Variants in FAM13A observed in about 807,000 individuals in gnomAD.
FAM13A encodes the protein protein FAM13A.
Under a neutral mutation model 129.6 loss-of-function variants are expected in FAM13A, and 76 were observed. The ratio of observed to expected loss-of-function variants is 0.59; its 90% CI spans 0.49 to 0.71. The LOEUF is 0.71. FAM13A is among the 30% of genes least tolerant of loss of function. FAM13A has a pLI of 0.00. For missense variants in FAM13A, 1,108 were observed against 1,249.3 expected (o/e 0.89, Z 1.70); for synonymous variants, 443 against 449.9 (o/e 0.98, Z 0.20).
intron 3 of FAM13A, among the ~76,000 whole-genome samples, chr4:88,998,708 T>C (rs1763873751): frequency 1.3e-5 from 2 of 152,218 alleles, no homozygotes; most frequent in Admixed American, 6.5e-5. Flanking sequence ...TCTAAATATG[T>C]ATTTACAGAA....
intron 6 of FAM13A, among the ~76,000 whole-genome samples, chr4:88,874,131 A>G (rs1356399925): frequency 2.0e-5 from 3 of 152,166 alleles, no homozygotes; most frequent in Non-Finnish European, 4.4e-5. Flanking sequence ...GTACTGATGG[A>G]ACATATCTCA....
chr4:88,728,705 T>C, intron 23 of FAM13A, 46 bp from the exon 24 acceptor site: 1 of 1,608,058 alleles, frequency 6.2e-7, no homozygotes, highest in Non-Finnish European at 8.5e-7. Context: ...ATTTTCTGTC[T>C]TTGCTAGATA....
intron 8 of FAM13A, 87 bp downstream of exon 8, chr4:88,804,924 A>G (rs1728257325): frequency 6.6e-6 from 5 of 751,996 alleles, no homozygotes; most frequent in East Asian, 2.6e-5. Flanking sequence ...TGTTCTATTG[A>G]AAGAGATTAA....
At chr4:88,878,599 T>C (rs542877108) in intron 6 of FAM13A, among the ~76,000 whole-genome samples, 27 of 152,226 alleles carry the variant, frequency 1.8e-4, no homozygotes, top group Non-Finnish European at 3.7e-4. Context: ...CCATTAACAC[T>C]TGGCATAAAA....
chr4:88,936,601 G>C (rs1208779625), intron 5 of FAM13A: 1 of 153,176 alleles, frequency 6.5e-6, no homozygotes, highest in East Asian at 1.9e-4. Flanking sequence ...GTTTCAATAT[G>C]AGATTTGGAG....
In FAM13A at chr4:88,936,965, A is replaced by AT. The variant is rs1043635225; in HGVS notation, c.759+1122dup. ...CACTAGAGGAACAAACTTGAGGGCG[A>AT]TTTTTTTCTATTTAAAAAATCATTT... On this transcript the variant is annotated intron_variant, in intron 5 of 23. Transcript: ENST00000264344. The AT allele has an allele frequency of 5.9e-5, 9 of 152,190 alleles. No individual in the cohort carries two copies. The South Asian group carries it at 1.0e-3, about 18-fold the overall frequency. The allele number at this position is 152,190 out of a possible 1,614,324, so 9.4% of individuals were successfully genotyped here. A position where few individuals can be genotyped will look rare whatever the true frequency, so the allele number is the denominator to read the frequency against.
chr4:88,980,521 G>C (rs761776444), intron 4 of FAM13A, among the ~76,000 whole-genome samples: 1 of 152,066 alleles, frequency 6.6e-6, no homozygotes, highest in Admixed American at 6.5e-5. Context: ...GGCAGAGAAA[G>C]GCCAAACTTT....
intron 3 of FAM13A, among the ~76,000 whole-genome samples, chr4:89,010,426 G>C (rs1476910109): frequency 6.6e-6 from 1 of 152,202 alleles, no homozygotes; most frequent in Non-Finnish European, 1.5e-5. Context: ...CCTGGAGGTA[G>C]GGAAAGAGCA....
At chr4:88,843,222 G>T (rs540803480) in intron 7 of FAM13A, among the ~76,000 whole-genome samples, 17 of 152,284 alleles carry the variant, frequency 1.1e-4, no homozygotes, top group Middle Eastern at 6.8e-3. Context: ...CTCAGGAAAT[G>T]GCAGTTCTGC....
intron 5 of FAM13A, among the ~76,000 whole-genome samples, chr4:88,930,222 C>G (rs1752828044): frequency 6.6e-6 from 1 of 152,274 alleles, no homozygotes; most frequent in East Asian, 1.9e-4. Context: ...TTACTGGACA[C>G]TTGTTGTGTC....
intron 6 of FAM13A, among the ~76,000 whole-genome samples, chr4:88,865,434 C>T (rs532856653): frequency 2.0e-5 from 3 of 152,218 alleles, no homozygotes; most frequent in East Asian, 3.9e-4. Flanking sequence ...ATAGCTAATA[C>T]GTAAGTTTTA....
chr4:88,836,314 T>C (rs1187633714), intron 7 of FAM13A, among the ~76,000 whole-genome samples: 1 of 152,224 alleles, frequency 6.6e-6, no homozygotes, highest in Admixed American at 6.5e-5. Flanking sequence ...TAGTCAGTAA[T>C]ACATTTCTAT....
At chr4:88,773,815 C>T (rs979669290) in intron 11 of FAM13A, among the ~76,000 whole-genome samples, 1 of 152,168 alleles carries the variant, frequency 6.6e-6, no homozygotes, top group Non-Finnish European at 1.5e-5. Flanking sequence ...AATTATTTTA[C>T]TTTAGTCCTT....
rs1243096101 is a variant in FAM13A at position 88,971,044 on chromosome 4, TA to T, written c.605+19928del. Reference sequence around the variant, plus strand: ...TAACATGGTGAAACCCCATCTCTACTAAAAATACAAAAAATTAGCCGGGCGT... The same window carrying T: ...TAACATGGTGAAACCCCATCTCTACTAAAATACAAAAAATTAGCCGGGCGT... On this transcript the variant is annotated intron_variant, in intron 4 of 23. Coordinates refer to ENST00000264344, the MANE Select transcript of FAM13A (RefSeq NM_014883.4). 1.1e-4 allele frequency among the ~76,000 whole-genome samples: 16 copies of T among 152,188 alleles called. No individual in the cohort carries two copies. The East Asian group carries it at 3.1e-3, about 29-fold the overall frequency.
chr4:89,002,591 A>AT (rs1297736925), intron 3 of FAM13A, among the ~76,000 whole-genome samples: 1 of 152,204 alleles, frequency 6.6e-6, no homozygotes, highest in Non-Finnish European at 1.5e-5. Context: ...GCATCCCCAA[A>AT]TGACACAGCT....
chr4:88,951,661 T>G (rs1373530477), intron 4 of FAM13A, among the ~76,000 whole-genome samples: 1 of 152,182 alleles, frequency 6.6e-6, no homozygotes, highest in Non-Finnish European at 1.5e-5. Context: ...GATGCTGAGT[T>G]TTTCCTTCTT....
chr4:89,001,856 A>C (rs1275501719), intron 3 of FAM13A, among the ~76,000 whole-genome samples: 16 of 152,222 alleles, frequency 1.1e-4, no homozygotes, highest in Non-Finnish European at 2.1e-4. Context: ...ATTTATTTAC[A>C]ATTAGCCACT....
intron 4 of FAM13A, among the ~76,000 whole-genome samples, chr4:88,941,253 C>T (rs188599693): frequency 2.0e-5 from 3 of 152,346 alleles, no homozygotes; most frequent in Non-Finnish European, 4.4e-5. Context: ...ACTTCCCAAA[C>T]AGGAGCTTCA....
At chr4:88,914,070 T>C (rs1474027492) in intron 5 of FAM13A, among the ~76,000 whole-genome samples, 1 of 152,112 alleles carries the variant, frequency 6.6e-6, no homozygotes, top group African/African-American at 2.4e-5. Context: ...TGTCACCTAG[T>C]TGCTCAGGAC....
Sources: allele counts gnomAD v4.1 joint callset (sites outside exome capture counted in the v4.1 genomes callset), GRCh38; gene constraint gnomAD v4.1.1; transcripts MANE v1.5; gene names NCBI Gene and HGNC (gene_info 2026-07-23, HGNC 2026-07-21).